Variants in MYO9B observed in about 807,000 individuals in gnomAD.
MYO9B encodes the protein unconventional myosin-IXb.
A neutral mutation model predicts 229.5 loss-of-function variants in MYO9B; 71 were observed. The ratio of observed to expected loss-of-function variants is 0.31; its 90% CI spans 0.26 to 0.38. The LOEUF is 0.38. Ranked by LOEUF, MYO9B falls within the 10% of genes least tolerant of loss-of-function variation. MYO9B has a pLI of 1.00. For synonymous variants in MYO9B, 1,185 were observed against 1,235.8 expected, an observed-to-expected ratio of 0.96 and a Z score of 0.86; for missense variants, 2,255 against 2,920.5, an observed-to-expected ratio of 0.77 and a Z score of 5.25.
Position 17,090,109 on chromosome 19 carries a change from GCTTC to G in MYO9B, c.-58-11543_-58-11540del, listed in dbSNP as rs1211223762. On this transcript the variant is annotated intron_variant, in intron 1 of 39. Transcript: ENST00000682292. ...CATCCACGTTATAGCATGAATCGGT[GCTTC>G]CTTCCTTTTTTTTTTTTTTTTTTTT... Among the ~76,000 whole-genome samples, 17 of 124,244 alleles carry G rather than the reference GCTTC, an allele frequency of 1.4e-4. No homozygotes were observed. The South Asian group carries it at 3.6e-3, about 26-fold the overall frequency. 81.5% of individuals were successfully genotyped at this position (124,244 alleles called of 152,430 possible). A position where few individuals can be genotyped will look rare whatever the true frequency, so the allele number is the denominator to read the frequency against.
chr19:17,122,197 G>A (rs1409584988), intron 2 of MYO9B, among the ~76,000 whole-genome samples: 1 of 152,170 alleles, frequency 6.6e-6, no homozygotes, highest in Non-Finnish European at 1.5e-5. Flanking sequence ...GCAAAGTGAG[G>A]TTGAGAATCT....
At position 17,115,535 on chromosome 19, in the gene MYO9B, C is replaced by A. The variant is rs375535686; in HGVS notation, c.840+12978C>A. 2.0e-5 allele frequency among the ~76,000 whole-genome samples: 3 copies of A among 146,594 alleles called. No homozygotes were observed. In the Admixed American group the frequency reaches 2.1e-4, roughly 10 times the overall value. ...CCAGGCTGGAGTTCAGTGGTGCGAT[C>A]TCAGTTCACTGCAACCTCCGCCTCC... On this transcript the variant is annotated intron_variant, in intron 2 of 39. Transcript: ENST00000682292.
rs775855843 is a variant in MYO9B at position 17,210,834 on chromosome 19, C to A, written c.5916C>A (p.Ser1972=). ...EKEILIERIQ[S]IKEEKEDITY... ...AGATTCTCATTGAACGGATCCAGTCCATCAAGGAGGAGAAGCAAGTGGCTC... is the reference window on the plus strand; with the variant it reads ...AGATTCTCATTGAACGGATCCAGTCAATCAAGGAGGAGAAGCAAGTGGCTC... The change falls in exon 38 of 40, where the codon TCC becomes TCA. Residue 1972 remains serine (S), a synonymous_variant. Transcript: ENST00000682292. 32 of 1,599,102 alleles carry A rather than the reference C, an allele frequency of 2.0e-5. No homozygotes were observed. The East Asian group carries it at 7.2e-4, about 36-fold the overall frequency.
intron 1 of MYO9B, among the ~76,000 whole-genome samples, chr19:17,093,551 T>C (rs766564480): frequency 2.0e-5 from 3 of 152,196 alleles, no homozygotes; most frequent in Non-Finnish European, 4.4e-5. Flanking sequence ...ACCATCTCCC[T>C]GCTGTGGTGT....
chr19:17,185,546 C>CAAAAAAAAAAA (rs556058505), intron 17 of MYO9B, among the ~76,000 whole-genome samples: 2 of 118,486 alleles, frequency 1.7e-5, no homozygotes, highest in African/African-American at 6.5e-5. Flanking sequence ...GACTGCGTCT[C>CAAAAAAAAAAA]AAAAAAAAAA....
At chr19:17,138,455 T>A (rs922056783) in intron 2 of MYO9B, among the ~76,000 whole-genome samples, 1 of 152,142 alleles carries the variant, frequency 6.6e-6, no homozygotes, top group African/African-American at 2.4e-5. Context: ...TTTTTTAAAT[T>A]TTTTCTAGAT....
chr19:17,135,346 G>A (rs2072255883), intron 2 of MYO9B, among the ~76,000 whole-genome samples: 1 of 152,030 alleles, frequency 6.6e-6, no homozygotes, highest in South Asian at 2.1e-4. Context: ...TTATAGCCTG[G>A]GGGGACCATG....
At chr19:17,107,499 A>G (rs2057803828) in intron 2 of MYO9B, among the ~76,000 whole-genome samples, 1 of 152,162 alleles carries the variant, frequency 6.6e-6, no homozygotes, top group South Asian at 2.1e-4. Context: ...GGCGTGGACA[A>G]GTTTCCTGTT....
At chr19:17,095,064 C>T (rs998136864) in intron 1 of MYO9B, among the ~76,000 whole-genome samples, 27 of 152,180 alleles carry the variant, frequency 1.8e-4, no homozygotes, top group African/African-American at 6.5e-4. Flanking sequence ...CATGGCGAAA[C>T]TCTGTCTCTA....
chr19:17,166,891 A>G (rs1163899711), intron 10 of MYO9B, among the ~76,000 whole-genome samples: 1 of 152,084 alleles, frequency 6.6e-6, no homozygotes, highest in Non-Finnish European at 1.5e-5. Flanking sequence ...CATTTGCTTT[A>G]TCCATTAGTG....
intron 6 of MYO9B, among the ~76,000 whole-genome samples, chr19:17,156,364 G>A (rs564043895): frequency 3.3e-5 from 5 of 152,128 alleles, no homozygotes; most frequent in South Asian, 4.1e-4. Context: ...GCAGTGAGCC[G>A]TGATCGCACC....
At chr19:17,077,661 A>T (rs1425849195) in intron 1 of MYO9B, among the ~76,000 whole-genome samples, 2 of 152,072 alleles carry the variant, frequency 1.3e-5, no homozygotes, top group Admixed American at 1.3e-4. Context: ...ATTGACCTCC[A>T]TCAGCGTTTT....
At chr19:17,152,569 A>G in intron 3 of MYO9B, 75 bp from the exon 4 acceptor site, 1 of 1,374,226 alleles carries the variant, frequency 7.3e-7, no homozygotes, top group East Asian at 2.4e-5. Flanking sequence ...ATCTCAAAAA[A>G]AAAAAAAACA....
At chr19:17,110,398 A>G (rs967375030) in intron 2 of MYO9B, among the ~76,000 whole-genome samples, 6 of 152,150 alleles carry the variant, frequency 3.9e-5, no homozygotes, top group East Asian at 1.9e-4. Flanking sequence ...TCGACAGCCC[A>G]GGGGCTGTGG....
chr19:17,085,781 A>G (rs2057576569), intron 1 of MYO9B, among the ~76,000 whole-genome samples: 1 of 152,178 alleles, frequency 6.6e-6, no homozygotes, highest in Non-Finnish European at 1.5e-5. Context: ...GGCCTGGGCA[A>G]CATAGGGAGA....
In MYO9B at chr19:17,192,942, A is replaced by G. The variant is rs2073002188; in HGVS notation, c.3008A>G (p.Gln1003Arg). 1.3e-6 allele frequency: 2 copies of G among 1,544,866 alleles called. No individual in the cohort carries two copies. The highest frequency in any genetic ancestry group is 2.4e-5 in the South Asian group (2 of 83,886). The change falls in exon 21 of 40, where the codon CAG becomes CGG. Residue 1003 changes from glutamine to arginine, a missense_variant. Transcript: ENST00000682292. The stretch of plus-strand genomic sequence containing the variant: ...GTCCGGAGGGCGCTGGAGAGGACGC[A>G]GGCTGCCGTGTACCTCCAGGCCTCA... Reference protein sequence around the residue: ...YRVRRALERTQAAVYLQASWR... With the variant: ...YRVRRALERTRAAVYLQASWR...
chr19:17,100,308 TA>T (rs2057732796), intron 1 of MYO9B, among the ~76,000 whole-genome samples: 1 of 144,746 alleles, frequency 6.9e-6, no homozygotes, highest in East Asian at 2.1e-4. Flanking sequence ...CATCTCTACT[TA>T]AAAAAATACA....
Position 17,185,890 on chromosome 19 carries a change from C to G in MYO9B, c.2497-31C>G, listed in dbSNP as rs372691274. 3.9e-4 allele frequency: 623 copies of G among 1,593,356 alleles called. 6 individuals are homozygous for G. In the South Asian group the frequency reaches 4.9e-3, roughly 12 times the overall value. On this transcript the variant is annotated intron_variant, in intron 17 of 39. Transcript: ENST00000682292. Reference sequence around the variant, plus strand: ...ACAGCGGCTGTCAGGGTCCCTGATTCAACCCAAATGCTTTCTCTTTCCCTT... The same window carrying G: ...ACAGCGGCTGTCAGGGTCCCTGATTGAACCCAAATGCTTTCTCTTTCCCTT...
At chr19:17,114,576 G>A (rs557096067) in intron 2 of MYO9B, among the ~76,000 whole-genome samples, 105 of 152,292 alleles carry the variant, frequency 6.9e-4, no homozygotes, top group African/African-American at 2.1e-3. Flanking sequence ...GCCAAAAACC[G>A]CAGTCCCTGA....
Sources: gnomAD v4.1 joint callset for allele counts (sites outside exome capture counted in the v4.1 genomes callset) on GRCh38, gnomAD v4.1.1 for gene constraint, MANE v1.5 for transcripts, NCBI Gene and HGNC (gene_info 2026-07-23, HGNC 2026-07-21) for gene names.